The following ARHGEF18 variants were observed in gnomAD, a reference collection of about 807,000 sequenced individuals.
ARHGEF18 encodes Rho/Rac guanine nucleotide exchange factor 18.
A neutral mutation model predicts 155.7 loss-of-function variants in ARHGEF18; 93 were observed. The ratio of observed to expected loss-of-function variants is 0.60; its 90% CI spans 0.50 to 0.71. The LOEUF (loss-of-function observed/expected upper bound fraction) is 0.71, where lower values mean the gene tolerates loss of function less well. Ranked by LOEUF, ARHGEF18 falls within the 30% of genes least tolerant of loss-of-function variation. The probability of loss-of-function intolerance (pLI) is 0.00; values close to 1 mark genes in which losing one functional copy is unlikely to be tolerated. For missense variants in ARHGEF18, 1,593 were observed against 1,816.1 expected (o/e 0.88, Z 2.23); for synonymous variants, 742 against 753.1 (o/e 0.99, Z 0.24).
At chr19:7,412,092 G>A (rs12975041) in intron 10 of ARHGEF18, among the ~76,000 whole-genome samples, 79,595 of 149,716 alleles carry the variant, frequency 0.53, 21,913 homozygotes, top group Middle Eastern at 0.73. Context: ...CTGCAGTGCA[G>A]TGGCGTGATC....
Position 7,453,456 on chromosome 19 carries a change from A to G in ARHGEF18, c.1856-11A>G. ...GGAAAAGAAAGACGCTAACTCTGCT[A>G]TGTGTGGCAGCTGGCACTGAGGACT... On this transcript the variant is annotated splice_polypyrimidine_tract_variant and intron_variant, in intron 16 of 28. Coordinates refer to ENST00000668164, the MANE Select transcript of ARHGEF18 (RefSeq NM_001367823.1). The G allele has an allele frequency of 5.1e-6, 8 of 1,582,544 alleles. No homozygotes were observed. The highest frequency in any genetic ancestry group is 1.7e-4 in the Middle Eastern group (1 of 5,922).
chr19:7,410,112 C>G (rs183967397), intron 10 of ARHGEF18, among the ~76,000 whole-genome samples: 1 of 152,118 alleles, frequency 6.6e-6, no homozygotes, highest in Non-Finnish European at 1.5e-5. Context: ...CTAAGGTTCA[C>G]CAGCCCTGAC....
intron 16 of ARHGEF18, among the ~76,000 whole-genome samples, chr19:7,453,187 AC>A (rs1975597786): frequency 6.6e-6 from 1 of 150,930 alleles, no homozygotes; most frequent in African/African-American, 2.4e-5. Flanking sequence ...ACAGAGCCAG[AC>A]TCCGTCCACC....
At chr19:7,377,153 C>T (rs1437108267) in intron 5 of ARHGEF18, among the ~76,000 whole-genome samples, 4 of 151,936 alleles carry the variant, frequency 2.6e-5, no homozygotes, top group Admixed American at 2.0e-4. Context: ...TCACTGCAAC[C>T]TCCGCCTCCC....
intron 10 of ARHGEF18, among the ~76,000 whole-genome samples, chr19:7,434,465 C>A (rs567773059): frequency 1.8e-4 from 27 of 152,308 alleles, no homozygotes; most frequent in African/African-American, 6.3e-4. Flanking sequence ...GGTCCCCTTG[C>A]AGAAAGAGCT....
chr19:7,381,159 C>A (rs1025786827), intron 8 of ARHGEF18, among the ~76,000 whole-genome samples, 165 bp downstream of exon 8: 47 of 152,018 alleles, frequency 3.1e-4, no homozygotes, highest in Admixed American at 3.0e-3. Flanking sequence ...TCCCGTATAC[C>A]CTGAGAGGAC....
At chr19:7,368,534 G>A (rs1970047067) in intron 2 of ARHGEF18, among the ~76,000 whole-genome samples, 1 of 152,160 alleles carries the variant, frequency 6.6e-6, no homozygotes, top group African/African-American at 2.4e-5. Flanking sequence ...ACCAGTGGGA[G>A]CTGGAACAGC....
In ARHGEF18 at chr19:7,470,960, C is replaced by T. The variant is rs1175185636; in HGVS notation, c.*662C>T. 1 of 400,226 alleles carries T rather than the reference C, an allele frequency of 2.5e-6. No individual in the cohort carries two copies. Among genetic ancestry groups the T allele is most frequent in the South Asian group, 1.3e-4 (1 of 7,784 alleles). 24.8% of individuals were successfully genotyped at this position (400,226 alleles called of 1,614,324 possible). ...ACATCAGTGGCCCTCCAGTCAGGTTCTGTGGGTTTGGAAGCCCATCGTGAA... is the reference window on the plus strand; with the variant it reads ...ACATCAGTGGCCCTCCAGTCAGGTTTTGTGGGTTTGGAAGCCCATCGTGAA... On this transcript the variant is annotated 3_prime_UTR_variant, in exon 29 of 29. Coordinates refer to ENST00000668164, the MANE Select transcript of ARHGEF18 (RefSeq NM_001367823.1). The surrounding 1 kb of genome is among the most constrained non-coding windows in gnomAD (Gnocchi z 5.9).
In ARHGEF18 at chr19:7,395,379, C is replaced by T. The variant is rs1971639660; in HGVS notation, c.967+12176C>T. On this transcript the variant is annotated intron_variant, in intron 10 of 28. Coordinates refer to ENST00000668164, the MANE Select transcript of ARHGEF18 (RefSeq NM_001367823.1). This position sits in a 1 kb window ranked among gnomAD's most constrained non-coding sequence, Gnocchi z 5.0. The stretch of plus-strand genomic sequence containing the variant: ...CCTCCCGCCGGCTCCTGGGGGACTT[C>T]TCCAGGCAGGCGAACGGGTGCTGGG... The T allele has an allele frequency of 3.2e-6, 3 of 931,414 alleles. No individual in the cohort carries two copies. Among genetic ancestry groups the T allele is most frequent in the East Asian group, 1.2e-4 (1 of 8,560 alleles). 57.7% of individuals were successfully genotyped at this position (931,414 alleles called of 1,614,324 possible). A position where few individuals can be genotyped will look rare whatever the true frequency, so the allele number is the denominator to read the frequency against.
intron 10 of ARHGEF18, among the ~76,000 whole-genome samples, chr19:7,390,028 CA>C (rs1040460542): frequency 6.6e-6 from 1 of 151,446 alleles, no homozygotes; most frequent in African/African-American, 2.4e-5. Context: ...CTCGTCTCTA[CA>C]AAAAAAATGT....
At chr19:7,373,849 A>ATTTTTTTT (rs57703407) in intron 3 of ARHGEF18, among the ~76,000 whole-genome samples, 2 of 122,052 alleles carry the variant, frequency 1.6e-5, no homozygotes, top group African/African-American at 6.7e-5. Flanking sequence ...TCCTATGAGA[A>ATTTTTTTT]TTTTTTTTTT....
intron 2 of ARHGEF18, among the ~76,000 whole-genome samples, chr19:7,367,882 ATTTTATATATAT>A (rs1338930199): frequency 2.5e-5 from 1 of 39,836 alleles, no homozygotes; most frequent in South Asian, 6.8e-4. Flanking sequence ...ATATATATAT[ATTTTATATATAT>A]TTTTTATATA....
chr19:7,423,864 T>C (rs1039722981), intron 10 of ARHGEF18, among the ~76,000 whole-genome samples: 1 of 151,950 alleles, frequency 6.6e-6, no homozygotes, highest in African/African-American at 2.4e-5. Context: ...AGGAAGTCGA[T>C]CTAGTATTGA....
intron 1 of ARHGEF18, among the ~76,000 whole-genome samples, chr19:7,361,997 A>C (rs1322752135): frequency 1.1e-4 from 5 of 43,820 alleles, no homozygotes; most frequent in African/African-American, 7.1e-4. Flanking sequence ...CTGTGGAAGA[A>C]GAAGAAGAAG....
rs769829866 is a variant in ARHGEF18 at position 7,468,980 on chromosome 19, C to T, written c.3636C>T (p.Ser1212=). The T allele has an allele frequency of 1.1e-5, 17 of 1,591,420 alleles. No homozygotes were observed. Among genetic ancestry groups the T allele is most frequent in the Admixed American group, 3.5e-5 (2 of 57,128 alleles). The part of the protein sequence containing the change: ...SAPTENRLAK[S]DVPIQLLSAT... Reference sequence around the variant, plus strand: ...CCACCGAGAACCGGCTGGCCAAGAGCGATGTGCCCATCCAGCTGCTCAGCG... The same window carrying T: ...CCACCGAGAACCGGCTGGCCAAGAGTGATGTGCCCATCCAGCTGCTCAGCG... The change falls in exon 27 of 29, where the codon AGC becomes AGT. Residue 1212 remains serine, a synonymous_variant. Transcript: ENST00000668164.
At chr19:7,434,537 T>C (rs566879488) in intron 10 of ARHGEF18, among the ~76,000 whole-genome samples, 3 of 152,266 alleles carry the variant, frequency 2.0e-5, no homozygotes, top group South Asian at 4.1e-4. Context: ...CTCTCAGCAG[T>C]GGGCAGGAGG....
intron 27 of ARHGEF18, 125 bp downstream of exon 27, chr19:7,469,256 C>T: frequency 1.6e-6 from 2 of 1,238,440 alleles, no homozygotes; most frequent in South Asian, 3.1e-5. Flanking sequence ...CCAGAAGGCA[C>T]AGCTGGCATC....
At chr19:7,413,294 C>CTTTTTTTTTTTTTTTTTT (rs71179106) in intron 10 of ARHGEF18, among the ~76,000 whole-genome samples, 1 of 138,290 alleles carries the variant, frequency 7.2e-6, no homozygotes, top group African/African-American at 2.7e-5. Context: ...AAACAAAAAG[C>CTTTTTTTTTTTTTTTTTT]TTTTTTTTTT....
At chr19:7,410,999 C>T (rs1972643006) in intron 10 of ARHGEF18, among the ~76,000 whole-genome samples, 1 of 151,954 alleles carries the variant, frequency 6.6e-6, no homozygotes, top group Non-Finnish European at 1.5e-5. Flanking sequence ...GAGAAATACT[C>T]ACAAGGCAGA....
Sources: allele counts gnomAD v4.1 joint callset (sites outside exome capture counted in the v4.1 genomes callset), GRCh38; gene constraint gnomAD v4.1.1; non-coding constraint Gnocchi (gnomAD v3.1); transcripts MANE v1.5; gene names NCBI Gene and HGNC (gene_info 2026-07-23, HGNC 2026-07-21).